Variants in GTF2E2 observed in about 807,000 individuals in gnomAD.
GTF2E2 encodes the protein general transcription factor IIE subunit 2.
In GTF2E2, 21 loss-of-function variants were observed where a neutral mutation model predicts 40.5. The ratio of observed to expected loss-of-function variants is 0.52; its 90% CI spans 0.37 to 0.75. GTF2E2 has a LOEUF of 0.75. GTF2E2 is among the 30% of genes least tolerant of loss of function. The probability of loss-of-function intolerance (pLI) is 0.00; values close to 1 mark genes in which losing one functional copy is unlikely to be tolerated. For synonymous variants in GTF2E2, 117 were observed against 121.6 expected (o/e 0.96, Z 0.25); for missense variants, 298 against 338.4 (o/e 0.88, Z 0.94).
intron 7 of GTF2E2, among the ~76,000 whole-genome samples, chr8:30,580,017 C>G (rs1255930001): frequency 6.6e-6 from 1 of 152,162 alleles, no homozygotes; most frequent in African/African-American, 2.4e-5. Context: ...GAGTGGGGAA[C>G]ACACAGGCCC....
intron 2 of GTF2E2, chr8:30,645,612 T>C (rs773496332): frequency 6.6e-6 from 10 of 1,519,832 alleles, no homozygotes; most frequent in Non-Finnish European, 8.8e-6. Context: ...CTATAGAAGA[T>C]GAACAAAATC....
intron 2 of GTF2E2, 145 bp downstream of exon 2, chr8:30,653,288 T>A: frequency 1.6e-6 from 1 of 637,488 alleles, no homozygotes. Context: ...TCCTAAGAGC[T>A]TAAATTCTCT....
intron 6 of GTF2E2, among the ~76,000 whole-genome samples, chr8:30,604,275 G>A (rs1345945921): frequency 6.6e-6 from 1 of 152,064 alleles, no homozygotes; most frequent in African/African-American, 2.4e-5. Flanking sequence ...CCAAAGAAAG[G>A]TTATCTAGGA....
intron 6 of GTF2E2, among the ~76,000 whole-genome samples, chr8:30,591,921 A>ATT (rs879562381): frequency 2.0e-5 from 3 of 148,964 alleles, no homozygotes; most frequent in African/African-American, 7.4e-5. Context: ...ATACAATAGA[A>ATT]TTTTTTTTTT....
At chr8:30,582,207 A>G (rs4403367) in intron 6 of GTF2E2, among the ~76,000 whole-genome samples, 70,013 of 151,900 alleles carry the variant, frequency 0.46, 16,092 homozygotes, top group Middle Eastern at 0.55. Flanking sequence ...GGGGTTGTGT[A>G]GAGATGAGGT....
At chr8:30,585,778 A>T (rs1360729659) in intron 6 of GTF2E2, among the ~76,000 whole-genome samples, 2 of 134,896 alleles carry the variant, frequency 1.5e-5, no homozygotes, top group Non-Finnish European at 1.5e-5. Context: ...CCTTTAAAAA[A>T]AAAAAAAAAA....
At chr8:30,652,371 A>T (rs1194926992) in intron 2 of GTF2E2, among the ~76,000 whole-genome samples, 1 of 152,176 alleles carries the variant, frequency 6.6e-6, no homozygotes, top group Non-Finnish European at 1.5e-5. Context: ...AAATCAATAG[A>T]GAGAGGAAAT....
intron 1 of GTF2E2, among the ~76,000 whole-genome samples, chr8:30,655,134 T>C (rs1168569411): frequency 1.3e-5 from 2 of 151,638 alleles, no homozygotes; most frequent in Non-Finnish European, 2.9e-5. Flanking sequence ...CCAGCAGAGG[T>C]TGCAGTAAGC....
At chr8:30,623,834 G>A (rs1431989179) in intron 3 of GTF2E2, among the ~76,000 whole-genome samples, 5 of 151,826 alleles carry the variant, frequency 3.3e-5, no homozygotes, top group African/African-American at 4.8e-5. Flanking sequence ...GTATCTGTTC[G>A]TATCCTTTGC....
At chr8:30,625,218 T>C (rs1801234834) in intron 3 of GTF2E2, among the ~76,000 whole-genome samples, 3 of 152,130 alleles carry the variant, frequency 2.0e-5, no homozygotes, top group African/African-American at 7.2e-5. Context: ...TTTTTTAGTA[T>C]GAAGCGCTGT....
chr8:30,578,786 A>T lies in GTF2E2; in HGVS notation c.*135T>A. The T allele has an allele frequency of 1.6e-6, 1 of 622,340 alleles. No homozygotes were observed. The highest frequency in any genetic ancestry group is 2.7e-5 in the East Asian group (1 of 36,430). 38.6% of individuals were successfully genotyped at this position (622,340 alleles called of 1,614,324 possible). ...ATAAGCTTTGAGTTTGGTAATTTGC[A>T]CTTGTTTTGTAAACTGAACTGCTCC... On this transcript the variant is annotated 3_prime_UTR_variant, in exon 8 of 8. Transcript: ENST00000355904.
Position 30,612,455 on chromosome 8 carries a change from T to C in GTF2E2, c.393A>G (p.Glu131=). The part of the protein sequence containing the change: ...TEALVNNPKI[E]VIDGKYAFKP... ...TGAAAGCATACTTCCCATCTATTAC[T>C]TCAATTTTGGGATTGTTGACTAAAG... Residue 131 remains glutamate (E), a synonymous_variant, in exon 5 of 8, where the codon GAA becomes GAG. Coordinates refer to ENST00000355904, the MANE Select transcript of GTF2E2 (RefSeq NM_002095.6). 6.2e-7 allele frequency: 1 copy of C among 1,611,220 alleles called. No individual in the cohort carries two copies. The highest frequency in any genetic ancestry group is 8.5e-7 in the Non-Finnish European group (1 of 1,178,150).
chr8:30,591,702 G>A (rs1260660895), intron 6 of GTF2E2, among the ~76,000 whole-genome samples: 1 of 152,100 alleles, frequency 6.6e-6, no homozygotes, highest in African/African-American at 2.4e-5. Flanking sequence ...TAGCTGCTTT[G>A]CAAAATAGTA....
At chr8:30,592,593 T>C (rs191909654) in intron 6 of GTF2E2, among the ~76,000 whole-genome samples, 2 of 152,284 alleles carry the variant, frequency 1.3e-5, no homozygotes, top group East Asian at 3.9e-4. Flanking sequence ...TATCTACATA[T>C]AACCTATGCC....
At chr8:30,582,114 C>T (rs1306782231) in intron 6 of GTF2E2, among the ~76,000 whole-genome samples, 4 of 152,188 alleles carry the variant, frequency 2.6e-5, no homozygotes, top group Non-Finnish European at 5.9e-5. Context: ...TGGGCTTAAG[C>T]AATCCTCCCA....
At chr8:30,631,290 TAC>T (rs1801432137) in intron 3 of GTF2E2, among the ~76,000 whole-genome samples, 1 of 152,220 alleles carries the variant, frequency 6.6e-6, no homozygotes, top group Non-Finnish European at 1.5e-5. Flanking sequence ...GCGCTGAGAA[TAC>T]AGGTGTGAGC....
chr8:30,626,562 T>C (rs969428633), intron 3 of GTF2E2, among the ~76,000 whole-genome samples: 1 of 152,232 alleles, frequency 6.6e-6, no homozygotes, highest in Non-Finnish European at 1.5e-5. Context: ...TCCCTTTAGT[T>C]TTATAACATA....
intron 3 of GTF2E2, among the ~76,000 whole-genome samples, chr8:30,621,945 T>C (rs1264066894): frequency 6.6e-6 from 1 of 150,480 alleles, no homozygotes; most frequent in Non-Finnish European, 1.5e-5. Flanking sequence ...TTAAGTATGA[T>C]GTTAAATCTA....
intron 2 of GTF2E2, among the ~76,000 whole-genome samples, chr8:30,651,538 T>G (rs1285448073): frequency 1.3e-5 from 2 of 151,986 alleles, no homozygotes; most frequent in East Asian, 3.9e-4. Context: ...GAAGATTGCT[T>G]GAGGCCAGGA....
Sources: allele counts gnomAD v4.1 joint callset (sites outside exome capture counted in the v4.1 genomes callset), GRCh38; gene constraint gnomAD v4.1.1; transcripts MANE v1.5; gene names NCBI Gene and HGNC (gene_info 2026-07-23, HGNC 2026-07-21).